The following INPP4B variants were observed in gnomAD, a reference collection of about 807,000 sequenced individuals.
INPP4B encodes inositol polyphosphate-4-phosphatase type II B, also known as inositol polyphosphate 4-phosphatase type II.
A neutral mutation model predicts 122.5 loss-of-function variants in INPP4B; 55 were observed. The ratio of observed to expected loss-of-function variants is 0.45; its 90% CI spans 0.36 to 0.56. INPP4B has a LOEUF of 0.56. Among genes scored for constraint, INPP4B ranks in the 20% least tolerant of loss-of-function variants. INPP4B has a pLI of 0.00. For synonymous variants in INPP4B, 403 were observed against 388.7 expected, an observed-to-expected ratio of 1.04 and a Z score of -0.43; for missense variants, 1,000 against 1,097.7, an observed-to-expected ratio of 0.91 and a Z score of 1.26.
chr4:142,347,913 T>C (rs1336348724), intron 7 of INPP4B, among the ~76,000 whole-genome samples: 2 of 152,012 alleles, frequency 1.3e-5, no homozygotes, highest in Non-Finnish European at 2.9e-5. Context: ...AATTTCCTGA[T>C]ACCCTGAAGG....
At chr4:142,492,671 A>C (rs1822031104) in intron 2 of INPP4B, among the ~76,000 whole-genome samples, 1 of 152,134 alleles carries the variant, frequency 6.6e-6, no homozygotes, top group South Asian at 2.1e-4. Flanking sequence ...CTTGAGAGAG[A>C]TAATTTAGGG....
chr4:142,674,134 T>C (rs139356615), intron 2 of INPP4B, among the ~76,000 whole-genome samples: 132 of 152,190 alleles, frequency 8.7e-4, no homozygotes, highest in Non-Finnish European at 1.4e-3. Flanking sequence ...TTTCCAAGGC[T>C]CTCCCTATGG....
chr4:142,173,941 T>A (rs936759542), intron 15 of INPP4B, 132 bp from the exon 16 acceptor site: 13 of 742,640 alleles, frequency 1.8e-5, no homozygotes, highest in Non-Finnish European at 2.9e-5. Flanking sequence ...TCCTAAGAGA[T>A]TTTTAATGAT....
intron 11 of INPP4B, among the ~76,000 whole-genome samples, chr4:142,245,667 G>T (rs1727644710): frequency 6.6e-6 from 1 of 151,722 alleles, no homozygotes; most frequent in Non-Finnish European, 1.5e-5. Flanking sequence ...AATGGTACCT[G>T]CTCCTCTTTG....
chr4:142,371,349 T>C (rs1027987522), intron 7 of INPP4B, among the ~76,000 whole-genome samples: 2 of 152,114 alleles, frequency 1.3e-5, no homozygotes, highest in African/African-American at 2.4e-5. Context: ...GAAACACTTC[T>C]GGACATTGGT....
intron 2 of INPP4B, among the ~76,000 whole-genome samples, chr4:142,486,262 A>C (rs557790791): frequency 6.6e-6 from 1 of 152,312 alleles, no homozygotes; most frequent in Admixed American, 6.5e-5. Flanking sequence ...GCAAAGTATA[A>C]GAATTCCATT....
intron 2 of INPP4B, among the ~76,000 whole-genome samples, chr4:142,671,024 T>G (rs1756915048): frequency 6.6e-6 from 1 of 152,142 alleles, no homozygotes; most frequent in African/African-American, 2.4e-5. Context: ...CTAATCTTAA[T>G]GTAAATTTAC....
chr4:142,236,592 A>G (rs1397719138), intron 12 of INPP4B, among the ~76,000 whole-genome samples: 1 of 152,000 alleles, frequency 6.6e-6, no homozygotes, highest in Non-Finnish European at 1.5e-5. Context: ...TTTCTGTCTC[A>G]TTTTTAGTCT....
chr4:142,329,531 G>A, intron 7 of INPP4B, among the ~76,000 whole-genome samples: 1 of 152,196 alleles, frequency 6.6e-6, no homozygotes, highest in South Asian at 2.1e-4. Flanking sequence ...TCTGATGTGT[G>A]GAGAACGGAC....
chr4:142,211,762 C>T (rs988126673), intron 12 of INPP4B, among the ~76,000 whole-genome samples: 1 of 152,100 alleles, frequency 6.6e-6, no homozygotes, highest in Non-Finnish European at 1.5e-5. Flanking sequence ...AAGTCCTCTG[C>T]CTTTATGATT....
chr4:142,267,046 A>G (rs1362822874), intron 10 of INPP4B, among the ~76,000 whole-genome samples: 1 of 152,236 alleles, frequency 6.6e-6, no homozygotes, highest in Non-Finnish European at 1.5e-5. Context: ...CATTAATGAA[A>G]AAAAGTTGTA....
chr4:142,750,384 G>A (rs1003787813), intron 1 of INPP4B, among the ~76,000 whole-genome samples: 1 of 152,010 alleles, frequency 6.6e-6, no homozygotes, highest in African/African-American at 2.4e-5. Flanking sequence ...AATAAAAAAT[G>A]ACCAAACTGC....
chr4:142,466,953 A>G (rs2149641462), intron 2 of INPP4B, among the ~76,000 whole-genome samples: 1 of 152,302 alleles, frequency 6.6e-6, no homozygotes, highest in Admixed American at 6.5e-5. Flanking sequence ...ACATGGTGTT[A>G]AGCCTGCAGG....
intron 17 of INPP4B, among the ~76,000 whole-genome samples, chr4:142,148,545 G>A (rs893960353): frequency 7.9e-5 from 12 of 151,912 alleles, no homozygotes; most frequent in South Asian, 6.2e-4. Flanking sequence ...AGATCAAGTC[G>A]CGTTGCATGT....
intron 25 of INPP4B, among the ~76,000 whole-genome samples, chr4:142,033,045 T>C (rs938128349): frequency 2.0e-5 from 3 of 152,000 alleles, no homozygotes; most frequent in Non-Finnish European, 2.9e-5. Context: ...AACATGTACT[T>C]TGGAGAGAGG....
intron 2 of INPP4B, among the ~76,000 whole-genome samples, chr4:142,644,905 C>CAAAAAAAAAAA (rs72460445): frequency 1.5e-5 from 1 of 66,154 alleles, no homozygotes; most frequent in Non-Finnish European, 2.8e-5. Context: ...GACTCCATCT[C>CAAAAAAAAAAA]AAAAAAAAAA....
At chr4:142,494,513 C>CA (rs1350403689) in intron 2 of INPP4B, among the ~76,000 whole-genome samples, 1 of 152,062 alleles carries the variant, frequency 6.6e-6, no homozygotes, top group African/African-American at 2.4e-5. Flanking sequence ...TCCTTGTGTG[C>CA]AATTCTGCAG....
intron 25 of INPP4B, among the ~76,000 whole-genome samples, chr4:142,066,669 G>A (rs1333020619): frequency 6.6e-6 from 1 of 152,226 alleles, no homozygotes; most frequent in African/African-American, 2.4e-5. Context: ...CACACCAGGA[G>A]ATTATATCCC....
At chr4:142,296,429 T>C (rs1758718674) in intron 9 of INPP4B, among the ~76,000 whole-genome samples, 1 of 152,236 alleles carries the variant, frequency 6.6e-6, no homozygotes, top group Non-Finnish European at 1.5e-5. Flanking sequence ...TTGCATTAGA[T>C]GCCATTTCAG....
Sources: allele counts gnomAD v4.1 joint callset (sites outside exome capture counted in the v4.1 genomes callset), GRCh38; gene constraint gnomAD v4.1.1; transcripts MANE v1.5; gene names NCBI Gene and HGNC (gene_info 2026-07-23, HGNC 2026-07-21).